Variants in ZEB2 observed in about 807,000 individuals in gnomAD.
The protein encoded by ZEB2 is zinc finger E-box binding homeobox 2.
Under a neutral mutation model 99.9 loss-of-function variants are expected in ZEB2, and 6 were observed. That is an observed-to-expected ratio of 0.06 (90% CI 0.03 to 0.12). The LOEUF is 0.12. Among genes scored for constraint, ZEB2 ranks in the 10% least tolerant of loss-of-function variants. The pLI is 1.00. For missense variants in ZEB2, 969 were observed against 1,502.8 expected (o/e 0.64, Z 5.87); for synonymous variants, 517 against 542.5 (o/e 0.95, Z 0.65).
intron 2 of ZEB2, among the ~76,000 whole-genome samples, chr2:144,444,114 A>G (rs1323842957): frequency 1.3e-5 from 2 of 152,210 alleles, no homozygotes; most frequent in African/African-American, 4.8e-5. Flanking sequence ...GCACTCTAAC[A>G]TTCTGACTGC....
At chr2:144,472,144 C>T (rs1003899627) in intron 2 of ZEB2, among the ~76,000 whole-genome samples, 13 of 152,006 alleles carry the variant, frequency 8.6e-5, no homozygotes, top group African/African-American at 2.7e-4. Context: ...CTGGACACTT[C>T]GTTTTATAAG....
chr2:144,487,413 A>T (rs1381375560), intron 2 of ZEB2, among the ~76,000 whole-genome samples: 1 of 152,200 alleles, frequency 6.6e-6, no homozygotes, highest in Non-Finnish European at 1.5e-5. Context: ...TAGATTTTTG[A>T]AAAGCTTAAA....
Position 144,384,287 on chromosome 2 carries a change from G to A in ZEB2, c.*5164C>T, listed in dbSNP as rs1033766217. The A allele has an allele frequency of 4.0e-5, 6 of 151,502 alleles. No individual in the cohort carries two copies. The highest frequency in any genetic ancestry group is 1.5e-4 in the African/African-American group (6 of 41,214). The allele number at this position is 151,502 out of a possible 1,614,324, so 9.4% of individuals were successfully genotyped here. Reference sequence around the variant, plus strand: ...TTTAATAGAGAAAGTTTTAGCTTGTGGCATATTCAGCATCATATTATCTCG... The same window carrying A: ...TTTAATAGAGAAAGTTTTAGCTTGTAGCATATTCAGCATCATATTATCTCG... On this transcript the variant is annotated 3_prime_UTR_variant, in exon 10 of 10. Transcript: ENST00000627532.
chr2:144,403,150 A>T (rs1290323274), intron 6 of ZEB2, among the ~76,000 whole-genome samples: 1 of 152,246 alleles, frequency 6.6e-6, no homozygotes, highest in Non-Finnish European at 1.5e-5. Context: ...CCAGTGGGAA[A>T]GAGGAGTTTT....
chr2:144,466,507 C>A (rs553220070), intron 2 of ZEB2, among the ~76,000 whole-genome samples: 6 of 152,182 alleles, frequency 3.9e-5, no homozygotes, highest in Non-Finnish European at 7.4e-5. Context: ...CTACCATGGC[C>A]CATCTTTCTA....
chr2:144,435,677 T>C (rs540513182), intron 2 of ZEB2, among the ~76,000 whole-genome samples: 2 of 152,248 alleles, frequency 1.3e-5, no homozygotes, highest in East Asian at 3.9e-4. Flanking sequence ...CTTACATGCT[T>C]AGAGATCATT....
chr2:144,516,989 G>T (rs999818015), intron 2 of ZEB2, among the ~76,000 whole-genome samples: 2 of 150,192 alleles, frequency 1.3e-5, no homozygotes, highest in African/African-American at 4.9e-5. Context: ...GAGGGCGGAG[G>T]CAGGGGCTCG....
In ZEB2 at chr2:144,399,696, T is replaced by G. The variant is rs200378546; in HGVS notation, c.1491A>C (p.Gln497His). Residue 497 changes from glutamine to histidine, a missense_variant, in exon 8 of 10, where the codon CAA (glutamine) becomes CAC (histidine). Coordinates refer to ENST00000627532, the MANE Select transcript of ZEB2 (RefSeq NM_014795.4). This position sits in a 1 kb window ranked among gnomAD's most constrained non-coding sequence, Gnocchi z 5.6. Reference protein sequence around the residue: ...KGYHMKDPCSQPEEQGVTSPN... With the variant: ...KGYHMKDPCSHPEEQGVTSPN... ...GAGAAGTAACTCCTTGTTCCTCAGG[T>G]TGAGAGCATGGATCCTTCATGTGAT... The G allele has an allele frequency of 1.2e-6, 2 of 1,614,150 alleles. No homozygotes were observed. The highest frequency in any genetic ancestry group is 4.5e-5 in the East Asian group (2 of 44,886).
At chr2:144,446,142 C>T (rs942233774) in intron 2 of ZEB2, among the ~76,000 whole-genome samples, 1 of 152,020 alleles carries the variant, frequency 6.6e-6, no homozygotes, top group Non-Finnish European at 1.5e-5. Context: ...TCAGAGTTAG[C>T]CCACCTATCT....
At chr2:144,453,456 C>T (rs1704081100) in intron 2 of ZEB2, among the ~76,000 whole-genome samples, 1 of 152,162 alleles carries the variant, frequency 6.6e-6, no homozygotes, top group African/African-American at 2.4e-5. Context: ...TTTTCACTGA[C>T]AGGATTTCAG....
At chr2:144,394,285 T>C (rs1703192537) in intron 9 of ZEB2, 1 of 152,202 alleles carries the variant, frequency 6.6e-6, no homozygotes, top group Non-Finnish European at 1.5e-5. Context: ...CTCTCAACTA[T>C]CTACAGACCT....
chr2:144,384,405 A>T lies in ZEB2; in HGVS notation c.*5046T>A, dbSNP rs1703053619. 1.3e-5 allele frequency: 2 copies of T among 152,080 alleles called. No individual in the cohort carries two copies. Among genetic ancestry groups the T allele is most frequent in the African/African-American group, 4.8e-5 (2 of 41,400 alleles). 9.4% of individuals were successfully genotyped at this position (152,080 alleles called of 1,614,324 possible). On this transcript the variant is annotated 3_prime_UTR_variant, in exon 10 of 10. Coordinates refer to ENST00000627532, the MANE Select transcript of ZEB2 (RefSeq NM_014795.4). ...TTAATAGCATTTGTTTAATTCCGAGATTAATATATCATCTTCAACCCTGAA... is the reference window on the plus strand; with the variant it reads ...TTAATAGCATTTGTTTAATTCCGAGTTTAATATATCATCTTCAACCCTGAA...
intron 2 of ZEB2, chr2:144,496,558 T>C (rs555426166): frequency 5.9e-5 from 9 of 152,350 alleles, no homozygotes; most frequent in Non-Finnish European, 1.2e-4. Context: ...GGTTTTCTTT[T>C]CCAAATGTCC....
chr2:144,422,391 A>G (rs561363449), intron 4 of ZEB2, among the ~76,000 whole-genome samples: 15 of 152,294 alleles, frequency 9.8e-5, no homozygotes, highest in South Asian at 2.1e-4. Context: ...TTCAATTAGA[A>G]AGCCCTTCCT....
intron 2 of ZEB2, among the ~76,000 whole-genome samples, chr2:144,483,956 C>T (rs974840663): frequency 2.0e-5 from 3 of 152,102 alleles, no homozygotes; most frequent in Admixed American, 6.5e-5. Flanking sequence ...AAGTATATTT[C>T]TTATGGTCAA....
chr2:144,445,461 CCT>C lies in ZEB2; in HGVS notation c.74-15437_74-15436del, dbSNP rs1436297454. On this transcript the variant is annotated intron_variant, in intron 2 of 9. Transcript: ENST00000627532. ...TTCTCTCTCTCTTCCTCTCACTCTC[CCT>C]CTCTCTCTCTTTGAAAACCCTGCCT... 7.3e-5 allele frequency among the ~76,000 whole-genome samples: 11 copies of C among 151,708 alleles called. No individual in the cohort carries two copies. The South Asian group carries it at 1.5e-3, about 20-fold the overall frequency.
intron 3 of ZEB2, chr2:144,428,765 C>T (rs1476000591): frequency 6.6e-6 from 1 of 152,116 alleles, no homozygotes; most frequent in Non-Finnish European, 1.5e-5. Context: ...GGTTTATAGT[C>T]TGCGACATCA....
chr2:144,497,223 C>T (rs1250506417), intron 2 of ZEB2, among the ~76,000 whole-genome samples: 1 of 152,126 alleles, frequency 6.6e-6, no homozygotes, highest in African/African-American at 2.4e-5. Context: ...CTAGTTGTGC[C>T]ATCCTCTGTA....
intron 2 of ZEB2, among the ~76,000 whole-genome samples, chr2:144,446,552 G>A (rs1458290832): frequency 3.3e-5 from 5 of 152,082 alleles, no homozygotes; most frequent in Non-Finnish European, 7.4e-5. Flanking sequence ...CTTCAGCAAG[G>A]TCCAGGCTCT....
Sources: gnomAD v4.1 joint callset for allele counts (sites outside exome capture counted in the v4.1 genomes callset) on GRCh38, gnomAD v4.1.1 for gene constraint, Gnocchi (gnomAD v3.1) non-coding constraint, MANE v1.5 for transcripts, NCBI Gene and HGNC (gene_info 2026-07-23, HGNC 2026-07-21) for gene names.